The following ERBIN variants were observed in gnomAD, a reference collection of about 807,000 sequenced individuals.
ERBIN encodes erbb2 interacting protein.
Under a neutral mutation model 158.4 loss-of-function variants are expected in ERBIN, and 60 were observed. That is an observed-to-expected ratio of 0.38 (90% CI 0.31 to 0.47). The LOEUF (loss-of-function observed/expected upper bound fraction) is 0.47. ERBIN is among the 20% of genes least tolerant of loss of function. The pLI is 0.99. For synonymous variants in ERBIN, 594 were observed against 557.2 expected (o/e 1.07, Z -0.93); for missense variants, 1,610 against 1,648.0 (o/e 0.98, Z 0.40).
rs1331110753 is a variant in ERBIN at position 66,024,517 on chromosome 5, A to G, written c.817+67A>G. The G allele has an allele frequency of 2.7e-6, 4 of 1,466,166 alleles. No homozygotes were observed. In the African/African-American group the frequency reaches 5.8e-5, roughly 21 times the overall value. The allele number at this position is 1,466,166 out of a possible 1,614,324, so 90.8% of individuals were successfully genotyped here. ...AATTCGAGACTTCCACATAATCTCA[A>G]ATTTCACTTGTTATGAGGTAGTTAT... On this transcript the variant is annotated intron_variant, in intron 10 of 25. Coordinates refer to ENST00000284037, the MANE Select transcript of ERBIN (RefSeq NM_001253697.2).
At chr5:66,024,511 A>G (rs1580385188) in intron 10 of ERBIN, 61 bp downstream of exon 10, 2 of 1,485,192 alleles carry the variant, frequency 1.3e-6, no homozygotes, top group East Asian at 2.3e-5. Context: ...CTTCCACATA[A>G]TCTCAAATTT....
At chr5:66,055,415 G>A (rs1759489950) in intron 21 of ERBIN, among the ~76,000 whole-genome samples, 1 of 152,116 alleles carries the variant, frequency 6.6e-6, no homozygotes, top group African/African-American at 2.4e-5. Context: ...CACTGACACA[G>A]ATGGCTTCTG....
intron 1 of ERBIN, among the ~76,000 whole-genome samples, chr5:65,940,202 C>G (rs1057017729): frequency 1.3e-5 from 2 of 151,490 alleles, no homozygotes; most frequent in Non-Finnish European, 1.5e-5. Flanking sequence ...CCCCGCCGCC[C>G]CGTCTGGGAT....
intron 21 of ERBIN, among the ~76,000 whole-genome samples, chr5:66,064,579 CA>C (rs1186351343): frequency 4.6e-5 from 7 of 152,068 alleles, no homozygotes; most frequent in African/African-American, 1.7e-4. Context: ...CAAGTTGACA[CA>C]ATAAACAAAA....
At chr5:66,055,177 T>C in intron 21 of ERBIN, 1 of 1,097,380 alleles carries the variant, frequency 9.1e-7, no homozygotes, top group Non-Finnish European at 1.2e-6. Flanking sequence ...CAAAAATGTA[T>C]TAATTTTATA....
At chr5:66,042,100 T>C (rs1757969091) in intron 15 of ERBIN, among the ~76,000 whole-genome samples, 1 of 152,022 alleles carries the variant, frequency 6.6e-6, no homozygotes, top group African/African-American at 2.4e-5. Flanking sequence ...TAGAAGTTTT[T>C]GTATTATGTT....
intron 18 of ERBIN, among the ~76,000 whole-genome samples, 156 bp from the exon 19 acceptor site, chr5:66,048,511 C>T (rs1217338519): frequency 1.3e-5 from 2 of 151,852 alleles, no homozygotes; most frequent in African/African-American, 4.8e-5. Context: ...TACAAACAGT[C>T]TTGGAAGGAC....
chr5:65,983,712 G>A (rs1750896099), intron 1 of ERBIN, among the ~76,000 whole-genome samples: 1 of 152,196 alleles, frequency 6.6e-6, no homozygotes, highest in Non-Finnish European at 1.5e-5. Context: ...ATCCAGCCGA[G>A]TATACATGTG....
At chr5:65,957,176 T>G (rs1253847088) in intron 1 of ERBIN, among the ~76,000 whole-genome samples, 1 of 152,166 alleles carries the variant, frequency 6.6e-6, no homozygotes, top group East Asian at 1.9e-4. Flanking sequence ...GTCCCCAATT[T>G]AGGATGGTTC....
chr5:66,021,853 T>C (rs1219474204), intron 8 of ERBIN, among the ~76,000 whole-genome samples: 1 of 152,144 alleles, frequency 6.6e-6, no homozygotes, highest in African/African-American at 2.4e-5. Flanking sequence ...GAGAACCTTT[T>C]TGTTTGTGCT....
chr5:65,999,564 T>C (rs1012726647), intron 4 of ERBIN, among the ~76,000 whole-genome samples: 1 of 152,224 alleles, frequency 6.6e-6, no homozygotes, highest in Non-Finnish European at 1.5e-5. Flanking sequence ...TTAAACTCTT[T>C]AGGCCCCTTC....
At chr5:66,044,953 G>A (rs942006997) in intron 17 of ERBIN, among the ~76,000 whole-genome samples, 2 of 152,064 alleles carry the variant, frequency 1.3e-5, no homozygotes, top group African/African-American at 4.8e-5. Context: ...GGTGATGTGT[G>A]CCTGTTGACC....
chr5:65,976,520 CTTT>C (rs778638629), intron 1 of ERBIN, among the ~76,000 whole-genome samples: 1 of 138,058 alleles, frequency 7.2e-6, no homozygotes. Context: ...TTTCTTTTTT[CTTT>C]TTTTTTTTTT....
At chr5:65,978,793 G>C (rs1750324050) in intron 1 of ERBIN, among the ~76,000 whole-genome samples, 1 of 152,192 alleles carries the variant, frequency 6.6e-6, no homozygotes, top group Admixed American at 6.5e-5. Flanking sequence ...CCAAGAAGTC[G>C]CAGGAGAGGA....
chr5:65,937,624 C>T (rs770953448), intron 1 of ERBIN, among the ~76,000 whole-genome samples: 5 of 152,110 alleles, frequency 3.3e-5, no homozygotes, highest in Non-Finnish European at 7.4e-5. Flanking sequence ...AAAAATAATT[C>T]TTGGCCGGGT....
At chr5:65,956,802 A>G (rs1717433909) in intron 1 of ERBIN, among the ~76,000 whole-genome samples, 1 of 152,228 alleles carries the variant, frequency 6.6e-6, no homozygotes, top group African/African-American at 2.4e-5. Context: ...CTGAAGCACA[A>G]CGTAGCTGGA....
chr5:65,968,604 A>G (rs1051308016), intron 1 of ERBIN, among the ~76,000 whole-genome samples: 3 of 152,202 alleles, frequency 2.0e-5, no homozygotes, highest in Admixed American at 6.5e-5. Flanking sequence ...TCCGTTGCCC[A>G]GGCTGGAGTG....
At chr5:66,067,143 G>T (rs546489626) in intron 21 of ERBIN, among the ~76,000 whole-genome samples, 1 of 152,044 alleles carries the variant, frequency 6.6e-6, no homozygotes, top group Non-Finnish European at 1.5e-5. Context: ...AGATTGCCTC[G>T]TTAAATCCTT....
intron 7 of ERBIN, among the ~76,000 whole-genome samples, chr5:66,016,700 G>A (rs1313972890): frequency 2.7e-5 from 4 of 148,280 alleles, no homozygotes; most frequent in Non-Finnish European, 5.9e-5. Flanking sequence ...TGCACCCTCC[G>A]CCCCCCAAGT....
Sources: gnomAD v4.1 joint callset for allele counts (sites outside exome capture counted in the v4.1 genomes callset) on GRCh38, gnomAD v4.1.1 for gene constraint, MANE v1.5 for transcripts, NCBI Gene and HGNC (gene_info 2026-07-23, HGNC 2026-07-21) for gene names.